The following DNAI4 variants were observed in gnomAD, a reference collection of about 807,000 sequenced individuals.
DNAI4 encodes the protein WD repeat domain 78.
DNAI4 carries 85 observed loss-of-function variants against 105.8 expected under a neutral mutation model. That is an observed-to-expected ratio of 0.80 (90% confidence interval 0.67 to 0.96). DNAI4 has a LOEUF of 0.96. Ranked by LOEUF, DNAI4 falls within the 40% of genes least tolerant of loss-of-function variation. DNAI4 has a pLI of 0.00. For missense variants in DNAI4, 1,014 were observed against 1,005.6 expected (o/e 1.01, Z -0.11); for synonymous variants, 352 against 331.5 (o/e 1.06, Z -0.67).
At chr1:66,820,969 C>T (rs1248717395) in intron 16 of DNAI4, among the ~76,000 whole-genome samples, 2 of 151,220 alleles carry the variant, frequency 1.3e-5, no homozygotes, top group Non-Finnish European at 2.9e-5. Context: ...CTTTTCTTTT[C>T]TTATCATCTC....
chr1:66,893,399 A>G lies in DNAI4; in HGVS notation c.360T>C (p.Asn120=), dbSNP rs1417251983. The G allele has an allele frequency of 1.3e-6, 2 of 1,555,574 alleles. No individual in the cohort carries two copies. Among genetic ancestry groups the G allele is most frequent in the Non-Finnish European group, 1.7e-6 (2 of 1,152,716 alleles). The change falls in exon 3 of 17, where the codon AAT becomes AAC. Residue 120 remains asparagine (N), a synonymous_variant. Coordinates refer to ENST00000371026, the MANE Select transcript of DNAI4 (RefSeq NM_024763.5). ...GAGGTCGGGGAGTAACATCAGTTCC[A>G]TTTATGTCAAATACCTGTTAAAAAT... is the stretch of plus-strand genomic sequence containing the variant. ...NIKTTQVFDI[N]GTDVTPRPLY... is the part of the protein sequence containing the mutation.
chr1:66,824,724 G>A (rs1042782409), intron 15 of DNAI4, among the ~76,000 whole-genome samples: 2 of 152,106 alleles, frequency 1.3e-5, no homozygotes, highest in Admixed American at 6.5e-5. Flanking sequence ...TGTTGTTGGT[G>A]TATAAGAATG....
rs149894759 is a variant in DNAI4 at position 66,819,895 on chromosome 1, A to G, written c.2496+2466T>C. 4.6e-3 allele frequency among the ~76,000 whole-genome samples: 692 copies of G among 151,674 alleles called. 4 individuals carry two copies. Among genetic ancestry groups the G allele is most frequent in the African/African-American group, 0.016 (638 of 40,974 alleles). Reference sequence around the variant, plus strand: ...ATGTGAGATGGACTAAGAGAATCATAGAGACTTTTTTTTTAAAAAAGATGA... The same window carrying G: ...ATGTGAGATGGACTAAGAGAATCATGGAGACTTTTTTTTTAAAAAAGATGA... On this transcript the variant is annotated intron_variant, in intron 16 of 16. Coordinates refer to ENST00000371026, the MANE Select transcript of DNAI4 (RefSeq NM_024763.5).
At position 66,893,328 on chromosome 1, in the gene DNAI4, A is replaced by G. The variant is rs1178268278; in HGVS notation, c.431T>C (p.Leu144Pro). 1 of 1,610,474 alleles carries G rather than the reference A, an allele frequency of 6.2e-7. No homozygotes were observed. Among genetic ancestry groups the G allele is most frequent in the African/African-American group, 1.3e-5 (1 of 74,858 alleles). ...PLTGTAKPSK[L>P]LTSQEGSLGS... ...AAGTGATCCTTCTTGTGATGTCAAG[A>G]GTTTACTTGGTTTTGCTGTACCAGT... The change falls in exon 3 of 17, where the codon CTC becomes CCC. Residue 144 changes from leucine (L) to proline (P), a missense_variant. By Grantham distance (98) the Leu-to-Pro change is moderately conservative. Transcript: ENST00000371026.
rs1028773920 is a variant in DNAI4 at position 66,813,750 on chromosome 1, T to C, written c.*380A>G. 1 of 156,832 alleles carries C rather than the reference T, an allele frequency of 6.4e-6. No individual in the cohort carries two copies. The highest frequency in any genetic ancestry group is 6.5e-5 in the Admixed American group (1 of 15,390). 9.7% of individuals were successfully genotyped at this position (156,832 alleles called of 1,614,324 possible). A position where few individuals can be genotyped will look rare whatever the true frequency, so the allele number is the denominator to read the frequency against. On this transcript the variant is annotated 3_prime_UTR_variant, in exon 17 of 17. Transcript: ENST00000371026. ...AGCAGAAGCTTTAAAATCAATAGAA[T>C]TGTGTCTTATAAAGATTTTGGTTTA... is the stretch of plus-strand genomic sequence containing the variant.
At chr1:66,829,283 T>C (rs778179970) in intron 13 of DNAI4, among the ~76,000 whole-genome samples, 1 of 152,154 alleles carries the variant, frequency 6.6e-6, no homozygotes, top group Non-Finnish European at 1.5e-5. Flanking sequence ...GATTTTAAGA[T>C]TGTATAAAAA....
At chr1:66,861,055 A>C (rs74540762) in intron 7 of DNAI4, among the ~76,000 whole-genome samples, 3,074 of 152,298 alleles carry the variant, frequency 0.02, 92 homozygotes, top group African/African-American at 0.07. Context: ...AGATTCAAAG[A>C]GACTAGAAAA....
chr1:66,871,314 C>G, intron 6 of DNAI4, 56 bp downstream of exon 6: 1 of 1,484,172 alleles, frequency 6.7e-7, no homozygotes, highest in Non-Finnish European at 9.1e-7. Flanking sequence ...GATTGACAGA[C>G]TCAAAAAATG....
intron 13 of DNAI4, among the ~76,000 whole-genome samples, chr1:66,830,139 C>T: frequency 6.6e-6 from 1 of 151,836 alleles, no homozygotes; most frequent in East Asian, 1.9e-4. Flanking sequence ...CCTCCACTTT[C>T]ATTCTAAAAA....
At chr1:66,898,349 G>C (rs1648513965) in intron 2 of DNAI4, among the ~76,000 whole-genome samples, 1 of 152,162 alleles carries the variant, frequency 6.6e-6, no homozygotes, top group Non-Finnish European at 1.5e-5. Context: ...CATGTGAAAA[G>C]GATGTGAATT....
intron 8 of DNAI4, among the ~76,000 whole-genome samples, chr1:66,844,179 G>A (rs1212279213): frequency 2.0e-5 from 3 of 149,350 alleles, no homozygotes; most frequent in Non-Finnish European, 3.0e-5. Context: ...ATATGTTAAC[G>A]TGCTTCACTA....
chr1:66,843,093 G>A (rs1390214999), intron 8 of DNAI4, among the ~76,000 whole-genome samples: 2 of 151,472 alleles, frequency 1.3e-5, no homozygotes, highest in Admixed American at 6.6e-5. Context: ...TTAGCTACCC[G>A]GGAGGCTGAG....
intron 8 of DNAI4, among the ~76,000 whole-genome samples, chr1:66,842,502 T>C (rs1646171422): frequency 2.0e-5 from 3 of 152,196 alleles, no homozygotes; most frequent in Admixed American, 1.3e-4. Context: ...GCAATTCTCA[T>C]GCTTCAGCCT....
At chr1:66,828,278 A>C (rs1572601086) in intron 13 of DNAI4, 1 of 153,980 alleles carries the variant, frequency 6.5e-6, no homozygotes, top group African/African-American at 2.4e-5. Flanking sequence ...TTTCATTACA[A>C]CTATTCCAAG....
At chr1:66,848,078 T>C in intron 7 of DNAI4, 3 of 389,566 alleles carry the variant, frequency 7.7e-6, no homozygotes, top group South Asian at 5.9e-5. Context: ...CTTAAAACAA[T>C]GCAAATTTAT....
At chr1:66,873,216 C>A (rs1234372731) in intron 5 of DNAI4, among the ~76,000 whole-genome samples, 1 of 148,468 alleles carries the variant, frequency 6.7e-6, no homozygotes, top group Non-Finnish European at 1.5e-5. Flanking sequence ...CCTTCTCCCT[C>A]CTCTCCCTCC....
At chr1:66,852,339 T>C (rs1192952325) in intron 7 of DNAI4, among the ~76,000 whole-genome samples, 1 of 151,876 alleles carries the variant, frequency 6.6e-6, no homozygotes, top group Non-Finnish European at 1.5e-5. Context: ...CATAACCTTT[T>C]CCAAAAATAG....
intron 6 of DNAI4, among the ~76,000 whole-genome samples, chr1:66,866,288 C>T (rs1569647740): frequency 1.4e-5 from 2 of 147,172 alleles, no homozygotes; most frequent in South Asian, 4.3e-4. Context: ...GCCTGGGCGA[C>T]AGAATGAGAC....
intron 6 of DNAI4, chr1:66,870,677 A>T (rs1646825260): frequency 7.8e-6 from 1 of 128,948 alleles, no homozygotes; most frequent in East Asian, 2.6e-4. Context: ...TGAACCCAGG[A>T]GGCAGAGGTT....
Sources: gnomAD v4.1 joint callset for allele counts (sites outside exome capture counted in the v4.1 genomes callset) on GRCh38, gnomAD v4.1.1 for gene constraint, MANE v1.5 for transcripts, NCBI Gene and HGNC (gene_info 2026-07-23, HGNC 2026-07-21) for gene names.